Variants in DNAH11 observed in about 807,000 individuals in gnomAD.
The protein encoded by DNAH11 is dynein axonemal heavy chain 11.
DNAH11 carries 442 observed loss-of-function variants against 526.0 expected under a neutral mutation model. The observed-to-expected ratio is 0.84, with a 90% CI of 0.78 to 0.91. The LOEUF is 0.91. Ranked by LOEUF, DNAH11 falls within the 40% of genes least tolerant of loss-of-function variation. DNAH11 has a pLI of 0.00. For missense variants in DNAH11, 6,989 were observed against 5,448.7 expected, an observed-to-expected ratio of 1.28 and a Z score of -8.90; for synonymous variants, 2,461 against 1,935.9, an observed-to-expected ratio of 1.27 and a Z score of -7.12.
intron 70 of DNAH11, 38 bp downstream of exon 70, chr7:21,864,695 A>G: frequency 6.5e-7 from 1 of 1,537,396 alleles, no homozygotes; most frequent in East Asian, 2.3e-5. Context: ...TCTGGATCTT[A>G]TTTAAAATAT....
At chr7:21,678,034 GT>G (rs1423493774) in intron 30 of DNAH11, among the ~76,000 whole-genome samples, 2 of 151,676 alleles carry the variant, frequency 1.3e-5, no homozygotes, top group Non-Finnish European at 2.9e-5. Context: ...TTTTTATTTT[GT>G]TGATTTTTTT....
intron 3 of DNAH11, 62 bp downstream of exon 3, chr7:21,559,060 C>G: frequency 7.0e-7 from 1 of 1,427,236 alleles, no homozygotes; most frequent in South Asian, 1.3e-5. Flanking sequence ...CACGGTGGCT[C>G]ATGCCTATAA....
chr7:21,571,633 G>A lies in DNAH11; in HGVS notation c.1426-173G>A, dbSNP rs369207163. On this transcript the variant is annotated intron_variant, in intron 7 of 81. Coordinates refer to ENST00000409508, the MANE Select transcript of DNAH11 (RefSeq NM_001277115.2). ...AATGGGAGAGTAATTTTAAAAATTAGCAATGACTTTGTTTAATTAAATACT... is the reference window on the plus strand; with the variant it reads ...AATGGGAGAGTAATTTTAAAAATTAACAATGACTTTGTTTAATTAAATACT... 5.3e-5 allele frequency among the ~76,000 whole-genome samples: 8 copies of A among 152,218 alleles called. No homozygotes were observed. In the East Asian group the frequency reaches 1.5e-3, roughly 29 times the overall value.
chr7:21,704,699 C>A, intron 38 of DNAH11, 71 bp downstream of exon 38: 1 of 1,514,510 alleles, frequency 6.6e-7, no homozygotes, highest in Non-Finnish European at 8.9e-7. Flanking sequence ...CTAATTGATA[C>A]TAAAGCAAGA....
At chr7:21,698,308 T>G in intron 36 of DNAH11, 95 bp downstream of exon 36, 1 of 1,518,192 alleles carries the variant, frequency 6.6e-7, no homozygotes, top group Non-Finnish European at 8.9e-7. Flanking sequence ...CAAATTACAT[T>G]AGACATTAAA....
chr7:21,807,838 C>T lies in DNAH11; in HGVS notation c.10166-45C>T, dbSNP rs765455990. 9.7e-6 allele frequency: 15 copies of T among 1,554,258 alleles called. No homozygotes were observed. In the Admixed American group the frequency reaches 2.1e-4, roughly 21 times the overall value. On this transcript the variant is annotated intron_variant, in intron 62 of 81. Transcript: ENST00000409508. ...TTGCATTAAGCATTTGTGGAGTTGA[C>T]ATTCAGCCTGCAATTACAGCTGAGT...
In DNAH11 at chr7:21,606,664, C is replaced by G; in HGVS notation, c.3783C>G (p.Phe1261Leu). The G allele has an allele frequency of 7.1e-7, 1 of 1,412,824 alleles. No individual in the cohort carries two copies. Among genetic ancestry groups the G allele is most frequent in the Non-Finnish European group, 9.7e-7 (1 of 1,030,722 alleles). 87.5% of individuals were successfully genotyped at this position (1,412,824 alleles called of 1,614,324 possible). ...CILFDAKQAEFRERFRHYAPL... is the reference protein window; with the variant it reads ...CILFDAKQAELRERFRHYAPL... ...ATGATCAGGCAAAGCAGGCAGAGTTCAGAGAGAGATTCAGACACTATGCCC... is the reference window on the plus strand; with the variant it reads ...ATGATCAGGCAAAGCAGGCAGAGTTGAGAGAGAGATTCAGACACTATGCCC... Residue 1261 changes from phenylalanine (F) to leucine (L), a missense_variant, in exon 20 of 82, where the codon TTC (phenylalanine) becomes TTG (leucine). Phe to Leu is a conservative substitution (Grantham distance 22, BLOSUM62 0). Coordinates refer to ENST00000409508, the MANE Select transcript of DNAH11 (RefSeq NM_001277115.2).
intron 30 of DNAH11, among the ~76,000 whole-genome samples, chr7:21,665,629 C>A (rs929242433): frequency 2.6e-5 from 4 of 152,090 alleles, no homozygotes; most frequent in African/African-American, 9.7e-5. Context: ...GTGTTCTTCT[C>A]TTAAAATCTT....
intron 69 of DNAH11, among the ~76,000 whole-genome samples, chr7:21,863,168 T>G (rs530905595): frequency 1.3e-5 from 2 of 152,326 alleles, no homozygotes; most frequent in African/African-American, 4.8e-5. Context: ...TGTCCTTTTA[T>G]CAGCCATTTT....
intron 65 of DNAH11, among the ~76,000 whole-genome samples, chr7:21,836,831 T>A (rs981053831): frequency 3.3e-5 from 5 of 152,120 alleles, no homozygotes; most frequent in Non-Finnish European, 7.4e-5. Context: ...AGAAAATATG[T>A]TCAAAATATG....
intron 35 of DNAH11, among the ~76,000 whole-genome samples, chr7:21,694,668 A>G: frequency 6.6e-6 from 1 of 152,184 alleles, no homozygotes; most frequent in East Asian, 1.9e-4. Flanking sequence ...ATACATGTGT[A>G]TACGTCTTTA....
intron 66 of DNAH11, among the ~76,000 whole-genome samples, chr7:21,844,675 A>G (rs1782346472): frequency 1.3e-5 from 2 of 152,170 alleles, no homozygotes; most frequent in South Asian, 4.1e-4. Context: ...AATACACTTT[A>G]AATGCAAATT....
At chr7:21,621,490 G>A (rs1786051583) in intron 25 of DNAH11, among the ~76,000 whole-genome samples, 1 of 152,114 alleles carries the variant, frequency 6.6e-6, no homozygotes, top group Admixed American at 6.5e-5. Flanking sequence ...GCATCATCCT[G>A]ATACCAAAGC....
intron 30 of DNAH11, among the ~76,000 whole-genome samples, chr7:21,680,513 T>C (rs1340379267): frequency 1.3e-5 from 2 of 152,168 alleles, no homozygotes; most frequent in Non-Finnish European, 2.9e-5. Flanking sequence ...ATAAGAAATA[T>C]TTTCTATTAG....
Position 21,901,197 on chromosome 7 carries a change from C to T in DNAH11, c.13494C>T (p.Ser4498=), listed in dbSNP as rs368269718. 328 of 1,613,566 alleles carry T rather than the reference C, an allele frequency of 2.0e-4. No homozygotes were observed. The highest frequency in any genetic ancestry group is 2.9e-4 in the South Asian group (26 of 90,984). Residue 4498 remains serine (S), a synonymous_variant, in exon 82 of 82, where the codon AGC becomes AGT. Transcript: ENST00000409508. The stretch of plus-strand genomic sequence containing the variant: ...ACATCTGGACCTTCAGGCTGAAGAG[C>T]GAAGAGAAGACTGCAAAATGGGTTC... The part of the protein sequence containing the change: ...PSYIWTFRLK[S]EEKTAKWVLA...
chr7:21,875,883 T>C (rs1225124883), intron 74 of DNAH11, among the ~76,000 whole-genome samples: 1 of 139,656 alleles, frequency 7.2e-6, no homozygotes, highest in Non-Finnish European at 1.6e-5. Flanking sequence ...ATTTCTTTTT[T>C]TTTTTTTTTT....
rs1173485626 is a variant in DNAH11, at chr7:21,636,108, C to CA, written c.4725+14dup. The stretch of plus-strand genomic sequence containing the variant: ...TGCTGAATTTAAGGTTTGTCAAAGA[C>CA]AGGCTGTATGCTATTCTAGCAAAGT... On this transcript the variant is annotated intron_variant, in intron 26 of 81. Transcript: ENST00000409508. 5.0e-6 allele frequency: 8 copies of CA among 1,594,578 alleles called. No homozygotes were observed. Among genetic ancestry groups the CA allele is most frequent in the Non-Finnish European group, 6.9e-6 (8 of 1,167,308 alleles).
chr7:21,773,451 C>A (rs578068849), intron 55 of DNAH11, among the ~76,000 whole-genome samples: 8 of 151,726 alleles, frequency 5.3e-5, no homozygotes, highest in Non-Finnish European at 1.0e-4. Flanking sequence ...TGTTTCTCCA[C>A]CTTCTCTTTC....
At chr7:21,546,547 A>G (rs1782812425) in intron 2 of DNAH11, among the ~76,000 whole-genome samples, 1 of 152,188 alleles carries the variant, frequency 6.6e-6, no homozygotes, top group Non-Finnish European at 1.5e-5. Context: ...AGCCTTTTTC[A>G]AATTTCTCTA....
Sources: allele counts gnomAD v4.1 joint callset (sites outside exome capture counted in the v4.1 genomes callset), GRCh38; gene constraint gnomAD v4.1.1; transcripts MANE v1.5; gene names NCBI Gene and HGNC (gene_info 2026-07-23, HGNC 2026-07-21).